COLEC12: variants seen among roughly 807,000 people sequenced by gnomAD.
COLEC12 encodes collectin-12.
Under a neutral mutation model 71.1 loss-of-function variants are expected in COLEC12, and 33 were observed. That is an observed-to-expected ratio of 0.46 (90% CI 0.35 to 0.62). The LOEUF (loss-of-function observed/expected upper bound fraction) is 0.62. Among genes scored for constraint, COLEC12 ranks in the 20% least tolerant of loss-of-function variants. The pLI is 0.00. For synonymous variants in COLEC12, 350 were observed against 353.0 expected (o/e 0.99, Z 0.10); for missense variants, 765 against 916.1 (o/e 0.84, Z 2.13).
At chr18:476,500 G>A (rs926398790) in intron 2 of COLEC12, among the ~76,000 whole-genome samples, 10 of 152,292 alleles carry the variant, frequency 6.6e-5, no homozygotes, top group African/African-American at 2.2e-4. Flanking sequence ...AACTTTGGAC[G>A]TCTATTATCA....
At chr18:364,403 G>A (rs1190086824) in intron 2 of COLEC12, among the ~76,000 whole-genome samples, 1 of 152,122 alleles carries the variant, frequency 6.6e-6, no homozygotes, top group East Asian at 1.9e-4. Flanking sequence ...CAATTCCAAG[G>A]AGAGGAATCC....
chr18:353,619 A>C (rs1914568769), intron 3 of COLEC12, among the ~76,000 whole-genome samples: 1 of 152,250 alleles, frequency 6.6e-6, no homozygotes, highest in African/African-American at 2.4e-5. Context: ...ATAGTGCTAG[A>C]CATTGAGGAT....
chr18:391,059 GT>G (rs1297747507), intron 2 of COLEC12, among the ~76,000 whole-genome samples: 1 of 152,118 alleles, frequency 6.6e-6, no homozygotes, highest in African/African-American at 2.4e-5. Flanking sequence ...TGAATTTCCG[GT>G]TTTATTACAA....
chr18:419,807 G>A (rs1916061387), intron 2 of COLEC12, among the ~76,000 whole-genome samples: 2 of 152,218 alleles, frequency 1.3e-5, no homozygotes, highest in South Asian at 2.1e-4. Flanking sequence ...CCTTGAACCT[G>A]CAGAGTGGGT....
At chr18:384,637 G>A (rs866504191) in intron 2 of COLEC12, among the ~76,000 whole-genome samples, 14 of 152,324 alleles carry the variant, frequency 9.2e-5, no homozygotes, top group South Asian at 8.3e-4. Flanking sequence ...GTAAGCTAGA[G>A]TGAAACCCCG....
chr18:392,133 C>T (rs1915475043), intron 2 of COLEC12, among the ~76,000 whole-genome samples: 1 of 152,156 alleles, frequency 6.6e-6, no homozygotes, highest in African/African-American at 2.4e-5. Flanking sequence ...TTGGAGCATT[C>T]TTGCCAATCA....
chr18:360,386 T>G (rs1914718842), intron 2 of COLEC12, among the ~76,000 whole-genome samples: 1 of 152,074 alleles, frequency 6.6e-6, no homozygotes. Flanking sequence ...TTTCACCATG[T>G]TGGCCAGGCT....
Position 463,551 on chromosome 18 carries a change from G to A in COLEC12, c.58+17156C>T, listed in dbSNP as rs532048475. 2.6e-5 allele frequency among the ~76,000 whole-genome samples: 4 copies of A among 152,262 alleles called. No individual in the cohort carries two copies. The East Asian group carries it at 5.8e-4, about 22-fold the overall frequency. The stretch of plus-strand genomic sequence containing the variant: ...AAACATGAGTGTGGGGATTCCTGTG[G>A]GGGCTGGGAGTTCGCTGAGACTGCA... On this transcript the variant is annotated intron_variant, in intron 2 of 9. Coordinates refer to ENST00000400256, the MANE Select transcript of COLEC12 (RefSeq NM_130386.3).
At chr18:424,418 T>A (rs1048298366) in intron 2 of COLEC12, 2 of 152,216 alleles carry the variant, frequency 1.3e-5, no homozygotes, top group Admixed American at 6.5e-5. Context: ...GGAAGCTCCA[T>A]GTTGATCTTG....
At chr18:479,540 T>C (rs1469966745) in intron 2 of COLEC12, among the ~76,000 whole-genome samples, 1 of 146,744 alleles carries the variant, frequency 6.8e-6, no homozygotes, top group Non-Finnish European at 1.5e-5. Context: ...TCTCTCTCTC[T>C]CTCTCTCTCT....
chr18:419,159 T>TTCTATTCTATTCTAC (rs1916046662), intron 2 of COLEC12, among the ~76,000 whole-genome samples: 1 of 65,132 alleles, frequency 1.5e-5, no homozygotes, highest in South Asian at 4.3e-4. Flanking sequence ...TTCTATTCTA[T>TTCTATTCTATTCTAC]TCTATTCTAT....
intron 9 of COLEC12, among the ~76,000 whole-genome samples, chr18:321,054 A>G (rs76488856): frequency 0.013 from 1,982 of 152,272 alleles, 26 homozygotes; most frequent in Non-Finnish European, 0.017. Context: ...CATTGGTGCT[A>G]TATCTCTTTT....
At chr18:496,131 G>C (rs1368542135) in intron 1 of COLEC12, among the ~76,000 whole-genome samples, 1 of 152,164 alleles carries the variant, frequency 6.6e-6, no homozygotes, top group Non-Finnish European at 1.5e-5. Context: ...TTTGGCAGCG[G>C]TTGCAAGAGT....
At chr18:467,608 A>C (rs747890440) in intron 2 of COLEC12, among the ~76,000 whole-genome samples, 138 of 152,226 alleles carry the variant, frequency 9.1e-4, no homozygotes, top group Non-Finnish European at 1.8e-3. Flanking sequence ...TGTTAATGGA[A>C]ACATTATGCT....
chr18:357,447 A>C lies in COLEC12; in HGVS notation c.134T>G (p.Ile45Ser). Residue 45 changes from isoleucine to serine, a missense_variant, in exon 3 of 10, where the codon ATT becomes AGT. Ile to Ser is a moderately radical substitution (Grantham distance 142). Coordinates refer to ENST00000400256, the MANE Select transcript of COLEC12 (RefSeq NM_130386.3). ...TGTGATTGTTAGCAAGGCACACAAAATGTATAATAATATGATAGAAAACTT... is the reference window on the plus strand; with the variant it reads ...TGTGATTGTTAGCAAGGCACACAAACTGTATAATAATATGATAGAAAACTT... ...ALKFSIILLY[I>S]LCALLTITVA... 6.2e-7 allele frequency: 1 copy of C among 1,602,142 alleles called. No homozygotes were observed.
In COLEC12 at chr18:327,761, T is replaced by G. The variant is rs1913878901; in HGVS notation, c.2063+3907A>C. On this transcript the variant is annotated intron_variant, in intron 8 of 9. Coordinates refer to ENST00000400256, the MANE Select transcript of COLEC12 (RefSeq NM_130386.3). The surrounding 1 kb of genome is among the most constrained non-coding windows in gnomAD (Gnocchi z 4.0). ...TTTCACGCGTGTTGGGAGAAAAGAA[T>G]AAGGGGAAAGCAGTGGTACTTAATT... 6.6e-6 allele frequency among the ~76,000 whole-genome samples: 1 copy of G among 152,220 alleles called. No individual in the cohort carries two copies. The highest frequency in any genetic ancestry group is 2.1e-4 in the South Asian group (1 of 4,834).
chr18:496,309 T>C (rs1018824747), intron 1 of COLEC12, among the ~76,000 whole-genome samples: 3 of 151,994 alleles, frequency 2.0e-5, no homozygotes, highest in Admixed American at 6.6e-5. Flanking sequence ...CCGTGGGAAA[T>C]TGCATAGGAG....
At chr18:489,072 C>T (rs1462100781) in intron 1 of COLEC12, among the ~76,000 whole-genome samples, 1 of 151,848 alleles carries the variant, frequency 6.6e-6, no homozygotes, top group Non-Finnish European at 1.5e-5. Context: ...GACAGCCACT[C>T]CAAGGCTCAT....
intron 2 of COLEC12, among the ~76,000 whole-genome samples, chr18:404,995 G>A (rs1456350525): frequency 6.6e-6 from 1 of 152,104 alleles, no homozygotes; most frequent in Non-Finnish European, 1.5e-5. Flanking sequence ...CATTCCTGGG[G>A]GGAGGTCTAT....
Sources: gnomAD v4.1 joint callset for allele counts (sites outside exome capture counted in the v4.1 genomes callset) on GRCh38, gnomAD v4.1.1 for gene constraint, Gnocchi (gnomAD v3.1) non-coding constraint, MANE v1.5 for transcripts, NCBI Gene and HGNC (gene_info 2026-07-23, HGNC 2026-07-21) for gene names.